Variants in GRM5 observed in about 807,000 individuals in gnomAD.
GRM5 encodes glutamate metabotropic receptor 5.
GRM5 carries 19 observed loss-of-function variants against 83.1 expected under a neutral mutation model. The observed-to-expected ratio is 0.23, with a 90% confidence interval of 0.16 to 0.34. The LOEUF is 0.34. Ranked by LOEUF, GRM5 falls within the 10% of genes least tolerant of loss-of-function variation. The probability of loss-of-function intolerance (pLI) is 1.00; values close to 1 mark genes in which losing one functional copy is unlikely to be tolerated. For synonymous variants in GRM5, 675 were observed against 633.6 expected, an observed-to-expected ratio of 1.07 and a Z score of -0.98; for missense variants, 1,160 against 1,588.3, an observed-to-expected ratio of 0.73 and a Z score of 4.58.
chr11:88,902,669 A>G (rs1046924869), intron 2 of GRM5, among the ~76,000 whole-genome samples: 11 of 152,102 alleles, frequency 7.2e-5, no homozygotes, highest in African/African-American at 2.7e-4. Flanking sequence ...AAAATAAAGC[A>G]GAGAGGCCGG....
chr11:88,842,443 C>T (rs1262674381), intron 3 of GRM5, among the ~76,000 whole-genome samples: 4 of 152,210 alleles, frequency 2.6e-5, no homozygotes, highest in Admixed American at 2.6e-4. Context: ...CTACTCACTT[C>T]TTAGCTACTT....
chr11:88,580,249 G>A (rs796743640), intron 7 of GRM5, among the ~76,000 whole-genome samples: 3 of 152,314 alleles, frequency 2.0e-5, no homozygotes, highest in African/African-American at 7.2e-5. Context: ...GAATATTTAA[G>A]TCTGGAGATT....
chr11:88,948,181 AG>A (rs1355628257), intron 2 of GRM5, among the ~76,000 whole-genome samples: 76 of 152,326 alleles, frequency 5.0e-4, no homozygotes, highest in African/African-American at 1.7e-3. Context: ...AAAACAAAAA[AG>A]CTGCTTTTCT....
intron 3 of GRM5, among the ~76,000 whole-genome samples, chr11:88,808,794 G>A (rs1011106925): frequency 3.3e-5 from 5 of 152,032 alleles, no homozygotes; most frequent in South Asian, 2.1e-4. Flanking sequence ...AATTCTGCTC[G>A]TTCCATGTTC....
At chr11:88,880,147 T>G (rs1944928161) in intron 2 of GRM5, among the ~76,000 whole-genome samples, 1 of 151,992 alleles carries the variant, frequency 6.6e-6, no homozygotes, top group South Asian at 2.1e-4. Flanking sequence ...ATAGACAGCA[T>G]GCAATTTTTG....
intron 3 of GRM5, among the ~76,000 whole-genome samples, chr11:88,692,469 A>AC (rs536173999): frequency 1.8e-4 from 28 of 151,762 alleles, no homozygotes; most frequent in South Asian, 4.2e-4. Context: ...AACAATTCCA[A>AC]CCCCCCCACA....
intron 2 of GRM5, among the ~76,000 whole-genome samples, chr11:88,909,436 T>C (rs902458450): frequency 6.0e-5 from 9 of 150,720 alleles, no homozygotes; most frequent in African/African-American, 2.0e-4. Flanking sequence ...CAGACTACAC[T>C]GCCATCCCTT....
intron 2 of GRM5, among the ~76,000 whole-genome samples, chr11:88,910,380 C>T (rs1345290698): frequency 2.0e-5 from 3 of 152,010 alleles, no homozygotes; most frequent in Admixed American, 6.6e-5. Context: ...CATTGATATG[C>T]AAATATTTGT....
intron 2 of GRM5, among the ~76,000 whole-genome samples, chr11:88,857,543 G>A (rs1364658296): frequency 1.3e-5 from 2 of 151,994 alleles, no homozygotes; most frequent in East Asian, 3.9e-4. Flanking sequence ...CCAGGAGTGG[G>A]AAAAGCTTGA....
intron 3 of GRM5, among the ~76,000 whole-genome samples, chr11:88,735,906 A>T (rs1325998140): frequency 6.6e-6 from 1 of 152,056 alleles, no homozygotes; most frequent in Non-Finnish European, 1.5e-5. Flanking sequence ...AATTCAAAAG[A>T]TATAATTATT....
intron 2 of GRM5, among the ~76,000 whole-genome samples, chr11:88,876,881 C>A (rs1944863416): frequency 6.6e-6 from 1 of 151,834 alleles, no homozygotes; most frequent in Non-Finnish European, 1.5e-5. Flanking sequence ...TACTACTCAG[C>A]CATAAAAAAA....
chr11:88,830,816 T>C (rs506724), intron 3 of GRM5, among the ~76,000 whole-genome samples: 45,246 of 151,998 alleles, frequency 0.3, 7,049 homozygotes, highest in South Asian at 0.54. Flanking sequence ...TTTAATTGGA[T>C]TTTGCAGTTC....
chr11:88,606,556 G>A (rs1358814503), intron 4 of GRM5, among the ~76,000 whole-genome samples: 1 of 152,162 alleles, frequency 6.6e-6, no homozygotes, highest in East Asian at 1.9e-4. Flanking sequence ...AAAGATTACT[G>A]CATTTTATGA....
chr11:88,868,449 G>C (rs920806893), intron 2 of GRM5, among the ~76,000 whole-genome samples: 2 of 151,700 alleles, frequency 1.3e-5, no homozygotes, highest in African/African-American at 2.4e-5. Context: ...GCTTATATCA[G>C]AGCCTGACAT....
intron 2 of GRM5, among the ~76,000 whole-genome samples, chr11:88,970,429 T>C (rs1408563298): frequency 6.6e-6 from 1 of 152,130 alleles, no homozygotes; most frequent in Non-Finnish European, 1.5e-5. Flanking sequence ...TGTCTGGAAA[T>C]GGCACATATC....
At chr11:88,838,720 T>G (rs1944138454) in intron 3 of GRM5, among the ~76,000 whole-genome samples, 1 of 152,166 alleles carries the variant, frequency 6.6e-6, no homozygotes, top group African/African-American at 2.4e-5. Context: ...GCATTATAGT[T>G]TAACAAAATC....
At chr11:88,681,867 C>T (rs1451900756) in intron 3 of GRM5, among the ~76,000 whole-genome samples, 1 of 151,794 alleles carries the variant, frequency 6.6e-6, no homozygotes, top group Non-Finnish European at 1.5e-5. Context: ...CTGTGCCCAG[C>T]CCTCTTTTTG....
chr11:89,058,725 C>G (rs1342670495), intron 1 of GRM5, among the ~76,000 whole-genome samples: 7 of 152,168 alleles, frequency 4.6e-5, no homozygotes. Context: ...TTGATATTAC[C>G]TTACATTAAA....
chr11:88,648,498 T>G (rs1939528007), intron 4 of GRM5, among the ~76,000 whole-genome samples: 1 of 98,150 alleles, frequency 1.0e-5, no homozygotes, highest in African/African-American at 4.0e-5. Context: ...CTCTGGGGAC[T>G]GTGGTGGGGT....
Sources: allele counts gnomAD v4.1 joint callset (sites outside exome capture counted in the v4.1 genomes callset), GRCh38; gene constraint gnomAD v4.1.1; transcripts MANE v1.5; gene names NCBI Gene and HGNC (gene_info 2026-07-23, HGNC 2026-07-21).